Variants in ACAD11 observed in about 807,000 individuals in gnomAD.
The protein encoded by ACAD11 is acyl-Coenzyme A dehydrogenase family, member 11.
Under a neutral mutation model 102.2 loss-of-function variants are expected in ACAD11, and 83 were observed. The ratio of observed to expected loss-of-function variants is 0.81; its 90% CI spans 0.68 to 0.97. The LOEUF is 0.97. Ranked by LOEUF, ACAD11 falls within the 50% of genes least tolerant of loss-of-function variation. ACAD11 has a pLI of 0.00. For synonymous variants in ACAD11, 324 were observed against 319.8 expected, an observed-to-expected ratio of 1.01 and a Z score of -0.14; for missense variants, 901 against 951.7, an observed-to-expected ratio of 0.95 and a Z score of 0.70.
At chr3:132,631,199 T>A in intron 6 of ACAD11, 142 bp downstream of exon 6, 1 of 458,260 alleles carries the variant, frequency 2.2e-6, no homozygotes. Context: ...AAAAATAAAA[T>A]AAAAATAAAA....
chr3:132,561,289 C>A, intron 17 of ACAD11, 72 bp from the exon 18 acceptor site: 3 of 1,133,104 alleles, frequency 2.6e-6, no homozygotes, highest in Non-Finnish European at 4.0e-6. Flanking sequence ...GTAACACAGT[C>A]TTATAGTTTG....
In ACAD11 at chr3:132,623,237, G is replaced by C. The variant is rs898066333; in HGVS notation, c.1197+3454C>G. Among the ~76,000 whole-genome samples the C allele has an allele frequency of 2.0e-5, 3 of 152,076 alleles. No homozygotes were observed. The South Asian group carries it at 6.2e-4, about 32-fold the overall frequency. ...AAAAATATAAAGAAAAAGTCATGAA[G>C]CGTCTCAGTGGTTAAAGACAAGTGC... On this transcript the variant is annotated intron_variant, in intron 9 of 19. Coordinates refer to ENST00000264990, the MANE Select transcript of ACAD11 (RefSeq NM_032169.5).
chr3:132,559,106 G>A (rs746706954), intron 19 of ACAD11, 21 bp from the exon 20 acceptor site: 14 of 1,517,506 alleles, frequency 9.2e-6, no homozygotes, highest in Admixed American at 5.0e-5. Context: ...AAAAGAATCA[G>A]GGAACACAGG....
At chr3:132,646,311 T>C (rs1333564096) in intron 1 of ACAD11, 1 of 151,768 alleles carries the variant, frequency 6.6e-6, no homozygotes, top group East Asian at 1.9e-4. Context: ...AAACATCTGA[T>C]TGGATGCATT....
chr3:132,571,437 C>T (rs2107787425), intron 17 of ACAD11, among the ~76,000 whole-genome samples: 1 of 151,326 alleles, frequency 6.6e-6, no homozygotes. Flanking sequence ...AAATTTTCTC[C>T]AATTCTGTAG....
chr3:132,566,024 A>G (rs946635868), intron 17 of ACAD11, among the ~76,000 whole-genome samples: 5 of 152,234 alleles, frequency 3.3e-5, no homozygotes, highest in Non-Finnish European at 7.3e-5. Flanking sequence ...AATTTCTGAC[A>G]AAATTTTAAA....
chr3:132,596,415 G>C (rs1380697623), intron 13 of ACAD11, among the ~76,000 whole-genome samples: 1 of 151,998 alleles, frequency 6.6e-6, no homozygotes, highest in East Asian at 1.9e-4. Flanking sequence ...GTGTACCCCT[G>C]AACTTAAAAG....
chr3:132,653,938 T>C (rs1226879362), intron 1 of ACAD11, among the ~76,000 whole-genome samples: 1 of 152,244 alleles, frequency 6.6e-6, no homozygotes, highest in Non-Finnish European at 1.5e-5. Context: ...CAAATTTATA[T>C]GTCTAGTCCA....
chr3:132,605,058 C>CA, intron 12 of ACAD11, 40 bp downstream of exon 12: 1 of 1,473,098 alleles, frequency 6.8e-7, no homozygotes, highest in Non-Finnish European at 9.4e-7. Context: ...AACTCCGGGA[C>CA]GACTGACTAC....
intron 5 of ACAD11, among the ~76,000 whole-genome samples, chr3:132,633,667 C>T (rs1940144573): frequency 6.6e-6 from 1 of 152,058 alleles, no homozygotes; most frequent in Non-Finnish European, 1.5e-5. Flanking sequence ...TCCTACAAGG[C>T]TACAGTAACC....
chr3:132,617,898 T>C (rs531400394), intron 11 of ACAD11, among the ~76,000 whole-genome samples: 1 of 152,266 alleles, frequency 6.6e-6, no homozygotes, highest in South Asian at 2.1e-4. Flanking sequence ...CTATAAAAAC[T>C]CTTTCCCCAT....
intron 11 of ACAD11, among the ~76,000 whole-genome samples, chr3:132,610,554 C>G (rs1939089705): frequency 6.6e-6 from 1 of 151,958 alleles, no homozygotes; most frequent in Non-Finnish European, 1.5e-5. Flanking sequence ...ACCACCGATC[C>G]CACAGAAATA....
chr3:132,625,052 A>G (rs369144167), intron 9 of ACAD11, among the ~76,000 whole-genome samples: 23 of 152,172 alleles, frequency 1.5e-4, no homozygotes, highest in South Asian at 2.1e-4. Flanking sequence ...ATAACAGGTT[A>G]TAAGAGACCA....
intron 7 of ACAD11, among the ~76,000 whole-genome samples, chr3:132,629,555 T>G (rs1939954517): frequency 6.6e-6 from 1 of 152,234 alleles, no homozygotes; most frequent in Non-Finnish European, 1.5e-5. Context: ...GTATCTTATT[T>G]GTGGAAACTG....
chr3:132,639,628 G>A lies in ACAD11; in HGVS notation c.566C>T (p.Ala189Val), dbSNP rs748846774. Residue 189 changes from alanine (A) to valine (V), a missense_variant, in exon 5 of 20, where the codon GCT becomes GTT. By Grantham distance (64) the Ala-to-Val change is moderately conservative. Coordinates refer to ENST00000264990, the MANE Select transcript of ACAD11 (RefSeq NM_032169.5). Reference protein sequence around the residue: ...QVSTWTKQYQAAAHQDIPAMQ... With the variant: ...QVSTWTKQYQVAAHQDIPAMQ... ...GGCAGGGATGTCCTGATGAGCTGCA[G>A]CTTGATATTGCTTTGTCCAGGTTGA... 1.7e-5 allele frequency: 28 copies of A among 1,613,374 alleles called. No individual in the cohort carries two copies. Among genetic ancestry groups the A allele is most frequent in the Non-Finnish European group, 2.4e-5 (28 of 1,179,738 alleles).
At chr3:132,635,561 C>CTG (rs1429274193) in intron 5 of ACAD11, among the ~76,000 whole-genome samples, 1 of 152,124 alleles carries the variant, frequency 6.6e-6, no homozygotes, top group Non-Finnish European at 1.5e-5. Context: ...CTGTATAACT[C>CTG]TGGACAAGTT....
chr3:132,655,773 C>T (rs1176065885), intron 1 of ACAD11, among the ~76,000 whole-genome samples: 2 of 152,204 alleles, frequency 1.3e-5, no homozygotes, highest in African/African-American at 2.4e-5. Flanking sequence ...GTTACATCCT[C>T]AGTGGTTGAT....
At chr3:132,596,310 ATAAC>A (rs1938305429) in intron 13 of ACAD11, among the ~76,000 whole-genome samples, 1 of 152,184 alleles carries the variant, frequency 6.6e-6, no homozygotes, top group South Asian at 2.1e-4. Flanking sequence ...ATCAGGAAAA[ATAAC>A]TAATGGGTAC....
rs139827468 is a variant in ACAD11 at position 132,600,475 on chromosome 3, A to G, written c.1621+2754T>C. ...TGAATGGCACTTATGACTACAGTCAATATGAACTGATCTGTATCAAAGAAG... is the reference window on the plus strand; with the variant it reads ...TGAATGGCACTTATGACTACAGTCAGTATGAACTGATCTGTATCAAAGAAG... On this transcript the variant is annotated intron_variant, in intron 13 of 19. Transcript: ENST00000264990. The G allele has an allele frequency of 1.9e-5, 31 of 1,613,784 alleles. No homozygotes were observed. The African/African-American group carries it at 2.8e-4, about 15-fold the overall frequency.
Sources: allele counts gnomAD v4.1 joint callset (sites outside exome capture counted in the v4.1 genomes callset), GRCh38; gene constraint gnomAD v4.1.1; transcripts MANE v1.5; gene names NCBI Gene and HGNC (gene_info 2026-07-23, HGNC 2026-07-21).